HHAT: variants seen among roughly 807,000 people sequenced by gnomAD.
The protein encoded by HHAT is protein-cysteine N-palmitoyltransferase HHAT.
In HHAT, 47 loss-of-function variants were observed where a neutral mutation model predicts 70.8. That is an observed-to-expected ratio of 0.66 (90% CI 0.53 to 0.85). The LOEUF (loss-of-function observed/expected upper bound fraction) is 0.85, where lower values mean the gene tolerates loss of function less well. Among genes scored for constraint, HHAT ranks in the 40% least tolerant of loss-of-function variants. The pLI is 0.00. For synonymous variants in HHAT, 228 were observed against 247.6 expected, an observed-to-expected ratio of 0.92 and a Z score of 0.74; for missense variants, 609 against 604.8, an observed-to-expected ratio of 1.01 and a Z score of -0.07.
At chr1:210,330,176 T>A (rs1388079231) in intron 1 of HHAT, among the ~76,000 whole-genome samples, 1 of 152,226 alleles carries the variant, frequency 6.6e-6, no homozygotes, top group Non-Finnish European at 1.5e-5. Flanking sequence ...GAATGATTTT[T>A]TTCCCCTTCC....
intron 10 of HHAT, among the ~76,000 whole-genome samples, chr1:210,620,083 C>A (rs367975090): frequency 6.6e-6 from 1 of 152,050 alleles, no homozygotes; most frequent in African/African-American, 2.4e-5. Flanking sequence ...GCTTGCATCC[C>A]GGTGATGAAG....
At chr1:210,573,972 T>C (rs1043055995) in intron 9 of HHAT, among the ~76,000 whole-genome samples, 1 of 152,240 alleles carries the variant, frequency 6.6e-6, no homozygotes, top group Non-Finnish European at 1.5e-5. Flanking sequence ...CCAGGATTTA[T>C]TGAGCATCCT....
chr1:210,542,487 T>TAAAAAA (rs760515327), intron 9 of HHAT, among the ~76,000 whole-genome samples: 68 of 148,750 alleles, frequency 4.6e-4, no homozygotes, highest in Admixed American at 8.7e-4. Flanking sequence ...GTGTTTTAGT[T>TAAAAAA]AAAAAAAAAA....
intron 3 of HHAT, chr1:210,369,760 G>GGT (rs1442808186): frequency 6.6e-6 from 1 of 152,426 alleles, no homozygotes; most frequent in Non-Finnish European, 1.5e-5. Flanking sequence ...ACTGAAGGGA[G>GGT]GTGATGGCTG....
intron 3 of HHAT, chr1:210,374,221 T>C (rs751568468): frequency 1.3e-5 from 2 of 152,032 alleles, no homozygotes; most frequent in African/African-American, 2.4e-5. Context: ...CACGGAAATC[T>C]TTAGTAAAAG....
intron 3 of HHAT, among the ~76,000 whole-genome samples, chr1:210,371,536 T>A (rs940773604): frequency 1.3e-5 from 2 of 152,156 alleles, no homozygotes; most frequent in Non-Finnish European, 2.9e-5. Flanking sequence ...CAGGAATCTG[T>A]CTCTGCTAAG....
intron 7 of HHAT, among the ~76,000 whole-genome samples, chr1:210,464,112 C>G (rs1373878412): frequency 6.6e-6 from 1 of 151,834 alleles, no homozygotes; most frequent in African/African-American, 2.4e-5. Context: ...CTAAAGTTAC[C>G]CTGTTATTCG....
chr1:210,598,058 G>A (rs1232134685), intron 10 of HHAT, among the ~76,000 whole-genome samples: 7 of 151,928 alleles, frequency 4.6e-5, no homozygotes, highest in Admixed American at 2.6e-4. Context: ...ATTTTGTCAG[G>A]ACTGCATCCT....
intron 10 of HHAT, among the ~76,000 whole-genome samples, chr1:210,605,690 C>G (rs961816019): frequency 6.6e-6 from 1 of 152,116 alleles, no homozygotes; most frequent in Non-Finnish European, 1.5e-5. Context: ...GCTCACACAT[C>G]AAGTATGAAT....
chr1:210,343,206 A>C (rs1184643900), intron 1 of HHAT, among the ~76,000 whole-genome samples: 1 of 152,052 alleles, frequency 6.6e-6, no homozygotes, highest in Non-Finnish European at 1.5e-5. Context: ...GTGATCAATC[A>C]AGCAGCTGAC....
chr1:210,666,111 C>A (rs1035140076), intron 11 of HHAT, among the ~76,000 whole-genome samples: 2 of 152,202 alleles, frequency 1.3e-5, no homozygotes, highest in African/African-American at 4.8e-5. Flanking sequence ...AGGATGTGGT[C>A]TTTGAAACAG....
rs190159511 is a variant in HHAT, at chr1:210,529,370, C to T, written c.1043+16182C>T. Among the ~76,000 whole-genome samples the T allele has an allele frequency of 1.1e-4, 16 of 151,310 alleles. No homozygotes were observed. The East Asian group carries it at 3.1e-3, about 29-fold the overall frequency. On this transcript the variant is annotated intron_variant, in intron 9 of 11. Coordinates refer to ENST00000261458, the MANE Select transcript of HHAT (RefSeq NM_018194.6). The stretch of plus-strand genomic sequence containing the variant: ...TATTTGTTGTTAAGCTGATGTACAT[C>T]AGACAGAACACTGAATTAAGCAAGC...
At chr1:210,395,003 G>GTATA (rs3036589) in intron 4 of HHAT, among the ~76,000 whole-genome samples, 2 of 151,836 alleles carry the variant, frequency 1.3e-5, no homozygotes, top group South Asian at 4.2e-4. Flanking sequence ...ACATATGTAT[G>GTATA]TATATATATA....
intron 3 of HHAT, among the ~76,000 whole-genome samples, chr1:210,378,270 G>A (rs2090379080): frequency 6.6e-6 from 1 of 152,092 alleles, no homozygotes. Context: ...ACCTTATAAA[G>A]GTTTTCCCTG....
At chr1:210,613,785 AGGTGGGAG>A (rs1465374107) in intron 10 of HHAT, among the ~76,000 whole-genome samples, 1 of 152,152 alleles carries the variant, frequency 6.6e-6, no homozygotes, top group Admixed American at 6.5e-5. Flanking sequence ...TGTGAGGCTG[AGGTGGGAG>A]GATCACTTGA....
chr1:210,482,557 A>G (rs1027473566), intron 8 of HHAT, among the ~76,000 whole-genome samples: 1 of 152,140 alleles, frequency 6.6e-6, no homozygotes, highest in South Asian at 2.1e-4. Context: ...CTTTTTTACA[A>G]CCGTGATCCC....
At position 210,560,814 on chromosome 1, in the gene HHAT, T is replaced by TAAAAAAAAAAAAAA. The variant is rs60192211; in HGVS notation, c.1044-27060_1044-27047dup. Reference sequence around the variant, plus strand: ...GGTGACAAAGTGAGACCCTGTGTCTTAAAAAAAAAAAAAAAAAAAAAAAAA... The same window carrying TAAAAAAAAAAAAAA: ...GGTGACAAAGTGAGACCCTGTGTCTTAAAAAAAAAAAAAAAAAAAAAAAAAAAAAAAAAAAAAAA... On this transcript the variant is annotated intron_variant, in intron 9 of 11. Coordinates refer to ENST00000261458, the MANE Select transcript of HHAT (RefSeq NM_018194.6). Among the ~76,000 whole-genome samples the TAAAAAAAAAAAAAA allele has an allele frequency of 2.5e-4, 7 of 28,514 alleles. 2 individuals are homozygous for TAAAAAAAAAAAAAA. The highest frequency in any genetic ancestry group is 7.1e-4 in the East Asian group (1 of 1,406). 18.7% of individuals were successfully genotyped at this position (28,514 alleles called of 152,430 possible). A position where few individuals can be genotyped will look rare whatever the true frequency, so the allele number is the denominator to read the frequency against.
chr1:210,394,724 C>G (rs946810945), intron 4 of HHAT, among the ~76,000 whole-genome samples: 59 of 152,246 alleles, frequency 3.9e-4, no homozygotes, highest in African/African-American at 1.3e-3. Flanking sequence ...ACCCATGGTG[C>G]TGAGTGAGAT....
At chr1:210,543,671 G>A (rs1251500252) in intron 9 of HHAT, among the ~76,000 whole-genome samples, 1 of 151,868 alleles carries the variant, frequency 6.6e-6, no homozygotes, top group Non-Finnish European at 1.5e-5. Flanking sequence ...ATTCATTTTT[G>A]GGGCTCTCAT....
Sources: allele counts gnomAD v4.1 joint callset (sites outside exome capture counted in the v4.1 genomes callset), GRCh38; gene constraint gnomAD v4.1.1; transcripts MANE v1.5; gene names NCBI Gene and HGNC (gene_info 2026-07-23, HGNC 2026-07-21).